Variants in ADAMTSL3 observed in about 807,000 individuals in gnomAD.
ADAMTSL3 encodes ADAMTS like 3.
ADAMTSL3 carries 128 observed loss-of-function variants against 201.7 expected under a neutral mutation model. The observed-to-expected ratio is 0.63, with a 90% confidence interval of 0.55 to 0.73. The LOEUF (loss-of-function observed/expected upper bound fraction) is 0.73, where lower values mean the gene tolerates loss of function less well. Ranked by LOEUF, ADAMTSL3 falls within the 30% of genes least tolerant of loss-of-function variation. The pLI, the probability that ADAMTSL3 is intolerant of heterozygous loss-of-function variation, is 0.00. For missense variants in ADAMTSL3, 1,990 were observed against 2,119.6 expected (o/e 0.94, Z 1.20); for synonymous variants, 738 against 748.4 (o/e 0.99, Z 0.23).
At chr15:84,030,914 G>T (rs2068397707) in intron 27 of ADAMTSL3, among the ~76,000 whole-genome samples, 1 of 152,080 alleles carries the variant, frequency 6.6e-6, no homozygotes, top group Non-Finnish European at 1.5e-5. Context: ...TTATAAAGGG[G>T]GCTCTTCTCC....
intron 19 of ADAMTSL3, among the ~76,000 whole-genome samples, chr15:83,944,838 G>C (rs1567254237): frequency 6.6e-6 from 1 of 152,142 alleles, no homozygotes; most frequent in Non-Finnish European, 1.5e-5. Context: ...AATGGTTCTT[G>C]TGAGGATAAC....
intron 6 of ADAMTSL3, among the ~76,000 whole-genome samples, chr15:83,831,440 G>A (rs1279406097): frequency 6.6e-6 from 1 of 152,190 alleles, no homozygotes; most frequent in Non-Finnish European, 1.5e-5. Context: ...TCAGGTTCAG[G>A]AAGAATGTCT....
Position 84,025,413 on chromosome 15 carries a change from G to C in ADAMTSL3, c.4633G>C (p.Val1545Leu). The stretch of plus-strand genomic sequence containing the variant: ...AAAACCATGTTTTGGTCATCCATGT[G>C]TTCAGTGGGAACCAGGGAACCGGGT... ...GRKPCFGHPCVQWEPGNRCPG... is the reference protein window; with the variant it reads ...GRKPCFGHPCLQWEPGNRCPG... The change falls in exon 27 of 30, where the codon GTT (valine) becomes CTT (leucine). Residue 1545 changes from valine to leucine, a missense_variant. Val to Leu is a conservative substitution (Grantham distance 32). Coordinates refer to ENST00000286744, the MANE Select transcript of ADAMTSL3 (RefSeq NM_207517.3). 6.2e-7 allele frequency: 1 copy of C among 1,614,014 alleles called. No individual in the cohort carries two copies. Among genetic ancestry groups the C allele is most frequent in the Non-Finnish European group, 8.5e-7 (1 of 1,179,960 alleles).
At chr15:83,745,371 C>A (rs529562953) in intron 3 of ADAMTSL3, among the ~76,000 whole-genome samples, 1 of 152,166 alleles carries the variant, frequency 6.6e-6, no homozygotes, top group African/African-American at 2.4e-5. Context: ...TCCTCATTAG[C>A]GGAGAGCAAC....
At chr15:83,842,266 T>C (rs913612819) in intron 7 of ADAMTSL3, among the ~76,000 whole-genome samples, 1 of 151,960 alleles carries the variant, frequency 6.6e-6, no homozygotes, top group African/African-American at 2.4e-5. Flanking sequence ...CAGAAAGCGC[T>C]GCGATACCGA....
chr15:83,676,991 C>T (rs2061415573), intron 2 of ADAMTSL3, among the ~76,000 whole-genome samples: 1 of 152,092 alleles, frequency 6.6e-6, no homozygotes, highest in South Asian at 2.1e-4. Flanking sequence ...TTAAAGCATC[C>T]CAAATGGACT....
chr15:83,995,414 T>C (rs569208799), intron 23 of ADAMTSL3, among the ~76,000 whole-genome samples: 2 of 152,298 alleles, frequency 1.3e-5, no homozygotes, highest in Non-Finnish European at 2.9e-5. Flanking sequence ...CAGAAACCTA[T>C]TGTAAGCATC....
At chr15:83,826,733 TC>T (rs1266811202) in intron 6 of ADAMTSL3, among the ~76,000 whole-genome samples, 1 of 148,722 alleles carries the variant, frequency 6.7e-6, no homozygotes, top group East Asian at 2.0e-4. Context: ...ATTGTTCAGT[TC>T]CCACCTATGA....
chr15:83,879,994 A>G (rs7182563), intron 9 of ADAMTSL3, among the ~76,000 whole-genome samples: 94,780 of 151,942 alleles, frequency 0.62, 30,851 homozygotes, highest in African/African-American at 0.8. Context: ...TTATTCTGTG[A>G]AGAAGTCAGC....
rs189556497 is a variant in ADAMTSL3, at chr15:83,901,800, G to A, written c.1700+2069G>A. On this transcript the variant is annotated intron_variant, in intron 15 of 29. Coordinates refer to ENST00000286744, the MANE Select transcript of ADAMTSL3 (RefSeq NM_207517.3). The stretch of plus-strand genomic sequence containing the variant: ...TCTGATCACCTACAATCCTGTAAGG[G>A]AAGGAGTCTATAGAAAGAAAAGGGT... 2.8e-3 allele frequency among the ~76,000 whole-genome samples: 422 copies of A among 151,382 alleles called. 3 individuals carry two copies. Among genetic ancestry groups the A allele is most frequent in the Middle Eastern group, 0.01 (3 of 294 alleles).
Position 83,661,866 on chromosome 15 carries a change from CTA to C in ADAMTSL3, c.69+6038_69+6039del, listed in dbSNP as rs1303884190. ...ATCAGAGAAATGCAAATCAAAACCA[CTA>C]TGAGATACCACCTCACACCAGTTAG... On this transcript the variant is annotated intron_variant, in intron 2 of 29. Coordinates refer to ENST00000286744, the MANE Select transcript of ADAMTSL3 (RefSeq NM_207517.3). Among the ~76,000 whole-genome samples, 812 of 148,384 alleles carry C rather than the reference CTA, an allele frequency of 5.5e-3. 4 individuals carry two copies. The highest frequency in any genetic ancestry group is 8.9e-3 in the Non-Finnish European group (598 of 67,244).
chr15:83,726,941 T>G lies in ADAMTSL3; in HGVS notation c.189+22433T>G, dbSNP rs572825826. On this transcript the variant is annotated intron_variant, in intron 3 of 29. Coordinates refer to ENST00000286744, the MANE Select transcript of ADAMTSL3 (RefSeq NM_207517.3). ...AGTCTGGAAGTATTCTCTCCTCGAT[T>G]TTTGAGAATAGTTTGAGTAGGGTTA... 2.0e-5 allele frequency among the ~76,000 whole-genome samples: 3 copies of G among 151,942 alleles called. No individual in the cohort carries two copies. In the South Asian group the frequency reaches 6.2e-4, roughly 31 times the overall value.
Position 83,983,298 on chromosome 15 carries a change from A to G in ADAMTSL3, c.3670A>G (p.Thr1224Ala). ...LCDLITPSEA[T>A]YTWTKDGTLL... ...TGACCTTATTACCCCCAGTGAGGCC[A>G]CATATACATGGACCAAGGATGGAAC... is the stretch of plus-strand genomic sequence containing the variant. Residue 1224 changes from threonine (T) to alanine (A), a missense_variant, in exon 21 of 30, where the codon ACA becomes GCA. Physicochemically the swap from Thr to Ala is moderately conservative, Grantham distance 58. Transcript: ENST00000286744. 1 of 1,586,084 alleles carries G rather than the reference A, an allele frequency of 6.3e-7. No homozygotes were observed. The highest frequency in any genetic ancestry group is 8.6e-7 in the Non-Finnish European group (1 of 1,167,238).
chr15:84,002,206 G>A (rs372391975), intron 23 of ADAMTSL3, among the ~76,000 whole-genome samples: 5 of 152,192 alleles, frequency 3.3e-5, no homozygotes, highest in Admixed American at 6.5e-5. Flanking sequence ...TATGCAATAC[G>A]AAAAAACAGG....
At chr15:83,689,947 C>T (rs1000433212) in intron 2 of ADAMTSL3, among the ~76,000 whole-genome samples, 4 of 152,110 alleles carry the variant, frequency 2.6e-5, no homozygotes, top group Non-Finnish European at 4.4e-5. Context: ...ATGTAAAAAA[C>T]GGATTCCATT....
rs766789471 is a variant in ADAMTSL3, at chr15:84,025,535, G to A, written c.4656+99G>A. ...TCCAATAAACTACTTTTGGGGCGGG[G>A]GGCAGGAATCTGACTGGTCTCTGAA... On this transcript the variant is annotated intron_variant, in intron 27 of 29. Transcript: ENST00000286744. 9 of 1,196,344 alleles carry A rather than the reference G, an allele frequency of 7.5e-6. No homozygotes were observed. In the South Asian group the frequency reaches 1.4e-4, roughly 19 times the overall value. The allele number at this position is 1,196,344 out of a possible 1,614,324, so 74.1% of individuals were successfully genotyped here.
chr15:83,823,996 CCTTCTTCTTCCT>C lies in ADAMTSL3; in HGVS notation c.600+3956_600+3967del, dbSNP rs201288145. Among the ~76,000 whole-genome samples, 1,126 of 141,394 alleles carry C rather than the reference CCTTCTTCTTCCT, an allele frequency of 8.0e-3. 13 individuals carry two copies. The highest frequency in any genetic ancestry group is 0.014 in the Admixed American group (198 of 13,850). 92.8% of individuals were successfully genotyped at this position (141,394 alleles called of 152,430 possible). A position where few individuals can be genotyped will look rare whatever the true frequency, so the allele number is the denominator to read the frequency against. On this transcript the variant is annotated intron_variant, in intron 6 of 29. Coordinates refer to ENST00000286744, the MANE Select transcript of ADAMTSL3 (RefSeq NM_207517.3). ...TTCTCCTCCTCCTCCTCCTCCTTCT[CCTTCTTCTTCCT>C]CTTCTTTCTTCTTTCTTCCTTCTTT...
At chr15:83,853,116 A>G (rs1018005737) in intron 7 of ADAMTSL3, among the ~76,000 whole-genome samples, 6 of 152,104 alleles carry the variant, frequency 3.9e-5, no homozygotes, top group African/African-American at 1.2e-4. Flanking sequence ...TAGCTTCCCA[A>G]AGTGCTAGGA....
chr15:83,791,837 C>T (rs1004036699), intron 4 of ADAMTSL3, among the ~76,000 whole-genome samples: 11 of 147,782 alleles, frequency 7.4e-5, no homozygotes, highest in South Asian at 4.3e-4. Flanking sequence ...CCAGCCTGGG[C>T]GACAGAGTGA....
Sources: allele counts gnomAD v4.1 joint callset (sites outside exome capture counted in the v4.1 genomes callset), GRCh38; gene constraint gnomAD v4.1.1; transcripts MANE v1.5; gene names NCBI Gene and HGNC (gene_info 2026-07-23, HGNC 2026-07-21).